Variants in GPR55 observed in about 807,000 individuals in gnomAD.
GPR55 encodes the protein G protein-coupled receptor 55, also known as G-protein coupled receptor 55.
A neutral mutation model predicts 7.9 loss-of-function variants in GPR55; 6 were observed. That is an observed-to-expected ratio of 0.76 (90% confidence interval 0.41 to 1.49). GPR55 has a LOEUF of 1.49. GPR55 is among the 40% of genes most tolerant of loss of function. The pLI is 0.01. For missense variants in GPR55, 376 were observed against 406.0 expected, an observed-to-expected ratio of 0.93 and a Z score of 0.63; for synonymous variants, 183 against 166.8, an observed-to-expected ratio of 1.10 and a Z score of -0.75.
At chr2:230,939,944 G>T (rs865841267) in intron 1 of GPR55, among the ~76,000 whole-genome samples, 24 of 144,978 alleles carry the variant, frequency 1.7e-4, no homozygotes, top group African/African-American at 6.6e-4. Context: ...GTGTTGGCGG[G>T]GGCGGGGACA....
intron 1 of GPR55, among the ~76,000 whole-genome samples, chr2:230,921,144 T>G (rs1017950309): frequency 2.0e-5 from 3 of 152,224 alleles, no homozygotes; most frequent in African/African-American, 7.2e-5. Flanking sequence ...ACACTCAATT[T>G]CTGTTCCAAT....
chr2:230,947,419 T>C (rs1217499103), intron 1 of GPR55, among the ~76,000 whole-genome samples: 2 of 151,946 alleles, frequency 1.3e-5, no homozygotes, highest in African/African-American at 4.8e-5. Flanking sequence ...ATTGGGACCC[T>C]GGTTACATTT....
intron 1 of GPR55, among the ~76,000 whole-genome samples, chr2:230,921,973 G>A (rs753001502): frequency 2.0e-5 from 3 of 152,314 alleles, no homozygotes; most frequent in Middle Eastern, 3.4e-3. Context: ...AGGTGCTGCA[G>A]AAAGCAAACC....
chr2:230,952,557 G>A (rs1423594626), intron 1 of GPR55, among the ~76,000 whole-genome samples: 2 of 152,202 alleles, frequency 1.3e-5, no homozygotes, highest in East Asian at 1.9e-4. Flanking sequence ...TTTTCCCATG[G>A]TGCCGCTTGT....
chr2:230,926,134 C>A (rs561312269), upstream of GPR55, among the ~76,000 whole-genome samples: 3 of 152,334 alleles, frequency 2.0e-5, no homozygotes, highest in South Asian at 6.2e-4. Flanking sequence ...GGAATAGAAA[C>A]TACTCCTGGG....
intron 1 of GPR55, among the ~76,000 whole-genome samples, chr2:230,932,095 C>T (rs1691058068): frequency 6.6e-6 from 1 of 152,196 alleles, no homozygotes; most frequent in Admixed American, 6.5e-5. Flanking sequence ...CGTGAAGCTC[C>T]AGCTCCTTGT....
At chr2:230,951,242 G>A (rs917693824) in intron 1 of GPR55, among the ~76,000 whole-genome samples, 2 of 152,140 alleles carry the variant, frequency 1.3e-5, no homozygotes, top group African/African-American at 2.4e-5. Flanking sequence ...CAGGTAGACA[G>A]TGTTGGAATT....
At chr2:230,949,340 T>G (rs1691365015) in intron 1 of GPR55, among the ~76,000 whole-genome samples, 3 of 152,206 alleles carry the variant, frequency 2.0e-5, no homozygotes, top group African/African-American at 7.2e-5. Flanking sequence ...ATTTTTGTAT[T>G]TTTAGTAGAG....
intron 1 of GPR55, among the ~76,000 whole-genome samples, chr2:230,953,880 G>A (rs1471082359): frequency 6.6e-6 from 1 of 152,202 alleles, no homozygotes. Flanking sequence ...ACGGCCAGGA[G>A]ATGAAGGCTG....
chr2:230,937,613 A>G (rs369403225), intron 1 of GPR55, among the ~76,000 whole-genome samples: 1 of 151,666 alleles, frequency 6.6e-6, no homozygotes, highest in African/African-American at 2.4e-5. Flanking sequence ...TCTTTGTGGC[A>G]CGGAGCATTT....
chr2:230,918,796 A>T (rs1011168359), intron 1 of GPR55, among the ~76,000 whole-genome samples: 2 of 152,192 alleles, frequency 1.3e-5, no homozygotes, highest in Non-Finnish European at 2.9e-5. Context: ...GAGCAAAAAT[A>T]AAAAGTCATC....
At chr2:230,950,473 C>T (rs1182974814) in intron 1 of GPR55, among the ~76,000 whole-genome samples, 1 of 152,096 alleles carries the variant, frequency 6.6e-6, no homozygotes, top group Non-Finnish European at 1.5e-5. Flanking sequence ...TCTTCTTTCC[C>T]GCACTCCAGC....
intron 1 of GPR55, among the ~76,000 whole-genome samples, chr2:230,943,540 G>A (rs74526425): frequency 2.6e-5 from 4 of 152,346 alleles, no homozygotes; most frequent in African/African-American, 9.6e-5. Context: ...AGTAGGTCAC[G>A]GAGCAAGAGC....
rs71968958 is a variant in GPR55, at chr2:230,955,710, TTTTTGTTTTG to T, written c.-135+5055_-135+5064del. Among the ~76,000 whole-genome samples the T allele has an allele frequency of 2.6e-5, 4 of 151,058 alleles. No homozygotes were observed. In the East Asian group the frequency reaches 7.8e-4, roughly 30 times the overall value. On this transcript the variant is annotated intron_variant, in intron 1 of 1. Coordinates refer to the GPR55 transcript ENST00000392039. ...AGCCAGAAAAGATTATGCCAGTGTC[TTTTTGTTTTG>T]TTTTGTTTTGTTTTGTTTGAGACGG...
chr2:230,909,994 G>A lies in GPR55; in HGVS notation c.*9C>T. 2 of 1,607,938 alleles carry A rather than the reference G, an allele frequency of 1.2e-6. No individual in the cohort carries two copies. The highest frequency in any genetic ancestry group is 1.1e-5 in the South Asian group (1 of 90,280). On this transcript the variant is annotated 3_prime_UTR_variant, in exon 2 of 2. Transcript: ENST00000650999. ...AGGGCTTTCTTCCCCTGAACAGGATGTCCTTCCGTTAGCCCCGGGAGATCG... is the reference window on the plus strand; with the variant it reads ...AGGGCTTTCTTCCCCTGAACAGGATATCCTTCCGTTAGCCCCGGGAGATCG...
chr2:230,960,751 G>A (rs1691554883), intron 1 of GPR55: 1 of 152,182 alleles, frequency 6.6e-6, no homozygotes, highest in Admixed American at 6.5e-5. Flanking sequence ...AAGAGACAGA[G>A]GAATACAGAG....
chr2:230,938,763 C>T (rs1458506323), intron 1 of GPR55, among the ~76,000 whole-genome samples: 2 of 152,158 alleles, frequency 1.3e-5, no homozygotes, highest in African/African-American at 2.4e-5. Flanking sequence ...ATGTGGGCTC[C>T]GTGGCATCTC....
At chr2:230,934,497 G>A (rs889154639) in intron 1 of GPR55, among the ~76,000 whole-genome samples, 2 of 152,216 alleles carry the variant, frequency 1.3e-5, no homozygotes, top group African/African-American at 4.8e-5. Flanking sequence ...CCCAGGGGAA[G>A]GAGGACACAG....
intron 1 of GPR55, among the ~76,000 whole-genome samples, chr2:230,950,346 C>A (rs1308143024): frequency 1.3e-5 from 2 of 152,182 alleles, no homozygotes; most frequent in African/African-American, 4.8e-5. Context: ...GCATGGCACC[C>A]AGGACAAGAC....
Sources: allele counts gnomAD v4.1 joint callset (sites outside exome capture counted in the v4.1 genomes callset), GRCh38; gene constraint gnomAD v4.1.1; transcripts MANE v1.5; gene names NCBI Gene and HGNC (gene_info 2026-07-23, HGNC 2026-07-21).